RAD51B: variants seen among roughly 807,000 people sequenced by gnomAD.
RAD51B encodes DNA repair protein RAD51 homolog 2.
Under a neutral mutation model 42.2 loss-of-function variants are expected in RAD51B, and 38 were observed. The observed-to-expected ratio is 0.90, with a 90% CI of 0.70 to 1.18. RAD51B has a LOEUF of 1.18. Among genes scored for constraint, RAD51B ranks in the 50% most tolerant of loss-of-function variants. The pLI is 0.00. For missense variants in RAD51B, 373 were observed against 400.7 expected, an observed-to-expected ratio of 0.93 and a Z score of 0.59; for synonymous variants, 154 against 145.2, an observed-to-expected ratio of 1.06 and a Z score of -0.43.
At chr14:68,226,727 A>G (rs918036318) in intron 7 of RAD51B, among the ~76,000 whole-genome samples, 4 of 152,074 alleles carry the variant, frequency 2.6e-5, no homozygotes, top group African/African-American at 9.7e-5. Flanking sequence ...ACATCCTCCA[A>G]CCCATTTTAC....
intron 8 of RAD51B, among the ~76,000 whole-genome samples, chr14:68,365,360 A>G (rs1440986745): frequency 2.0e-5 from 3 of 152,248 alleles, no homozygotes; most frequent in Non-Finnish European, 4.4e-5. Flanking sequence ...TGTTTGTCTT[A>G]CTGCTCTGTC....
chr14:68,033,702 G>A (rs2076080425), intron 7 of RAD51B, among the ~76,000 whole-genome samples: 1 of 152,182 alleles, frequency 6.6e-6, no homozygotes, highest in Non-Finnish European at 1.5e-5. Context: ...CCACTTCACA[G>A]CCCTTCCCGC....
chr14:67,854,207 A>G (rs2041911898), intron 4 of RAD51B, among the ~76,000 whole-genome samples: 1 of 152,224 alleles, frequency 6.6e-6, no homozygotes, highest in South Asian at 2.1e-4. Context: ...CTGTATAAAT[A>G]TCTGTGCTTT....
chr14:68,442,918 G>T (rs980247206), intron 9 of RAD51B, among the ~76,000 whole-genome samples: 3 of 152,160 alleles, frequency 2.0e-5, no homozygotes, highest in African/African-American at 7.2e-5. Flanking sequence ...AACTGGGGCT[G>T]TGAACACCTA....
At chr14:68,561,438 C>T (rs1889142040) in intron 10 of RAD51B, among the ~76,000 whole-genome samples, 1 of 152,190 alleles carries the variant, frequency 6.6e-6, no homozygotes, top group Non-Finnish European at 1.5e-5. Context: ...AATTCTACAG[C>T]AGGCATGCTC....
intron 7 of RAD51B, among the ~76,000 whole-genome samples, chr14:68,254,749 C>T (rs143186363): frequency 6.6e-6 from 1 of 152,268 alleles, no homozygotes; most frequent in East Asian, 1.9e-4. Flanking sequence ...CACTTAGAAA[C>T]ATTTTTCTGA....
chr14:68,507,484 G>A (rs549951115), intron 10 of RAD51B, among the ~76,000 whole-genome samples: 1 of 152,244 alleles, frequency 6.6e-6, no homozygotes, highest in African/African-American at 2.4e-5. Flanking sequence ...AGGGTCCTAG[G>A]ACTGGCATTC....
chr14:68,428,068 ATGATGC>A (rs750999927), intron 9 of RAD51B, among the ~76,000 whole-genome samples: 1 of 152,112 alleles, frequency 6.6e-6, no homozygotes, highest in Non-Finnish European at 1.5e-5. Flanking sequence ...CCACCATGGG[ATGATGC>A]AGCAAAAAGG....
At chr14:68,395,958 T>C (rs1051565791) in intron 8 of RAD51B, among the ~76,000 whole-genome samples, 1 of 152,250 alleles carries the variant, frequency 6.6e-6, no homozygotes, top group Admixed American at 6.5e-5. Context: ...TGAAAACTTA[T>C]GGGTTATCCT....
At chr14:67,884,930 GCTT>G (rs2043018427) in intron 5 of RAD51B, among the ~76,000 whole-genome samples, 1 of 152,042 alleles carries the variant, frequency 6.6e-6, no homozygotes, top group Non-Finnish European at 1.5e-5. Flanking sequence ...AAAGTTCCCA[GCTT>G]CTTCTCAGAA....
intron 7 of RAD51B, among the ~76,000 whole-genome samples, chr14:67,919,439 G>GA (rs1340085144): frequency 1.3e-5 from 2 of 152,068 alleles, no homozygotes; most frequent in Non-Finnish European, 2.9e-5. Flanking sequence ...TTCTTTACTG[G>GA]AAAAAAACCC....
At chr14:68,491,032 A>T (rs1406183070) in intron 10 of RAD51B, among the ~76,000 whole-genome samples, 1 of 152,220 alleles carries the variant, frequency 6.6e-6, no homozygotes, top group African/African-American at 2.4e-5. Flanking sequence ...ATGGATAAAA[A>T]GGGAGCTAGG....
At chr14:68,555,719 A>G (rs1054438990) in intron 10 of RAD51B, among the ~76,000 whole-genome samples, 1 of 152,182 alleles carries the variant, frequency 6.6e-6, no homozygotes, top group African/African-American at 2.4e-5. Flanking sequence ...AACATATTAG[A>G]TGTCCCCAGT....
chr14:68,063,522 G>A (rs1213835642), intron 7 of RAD51B, among the ~76,000 whole-genome samples: 1 of 152,174 alleles, frequency 6.6e-6, no homozygotes, highest in African/African-American at 2.4e-5. Flanking sequence ...GAAATCATGA[G>A]GTCAAGAGAT....
At chr14:68,667,463 C>G (rs1893055805) in intron 11 of RAD51B, among the ~76,000 whole-genome samples, 2 of 128,190 alleles carry the variant, frequency 1.6e-5, no homozygotes, top group Non-Finnish European at 3.5e-5. Flanking sequence ...AATATAAAAA[C>G]TACCTTCACA....
At chr14:68,260,298 C>CGT (rs71281749) in intron 7 of RAD51B, among the ~76,000 whole-genome samples, 1,323 of 96,652 alleles carry the variant, frequency 0.014, 96 homozygotes, top group Middle Eastern at 0.036. Context: ...GCTGAGAGAC[C>CGT]GTGTGTGTGT....
chr14:68,316,895 T>C (rs2082073465), intron 8 of RAD51B, among the ~76,000 whole-genome samples: 1 of 152,248 alleles, frequency 6.6e-6, no homozygotes, highest in African/African-American at 2.4e-5. Context: ...TGATTTTTAG[T>C]ATAATAAATT....
chr14:68,430,033 G>C (rs570746514), intron 9 of RAD51B, among the ~76,000 whole-genome samples: 3 of 152,226 alleles, frequency 2.0e-5, no homozygotes, highest in Non-Finnish European at 4.4e-5. Flanking sequence ...GATTTTGTCA[G>C]GTTTGTCAAA....
intron 10 of RAD51B, among the ~76,000 whole-genome samples, chr14:68,487,413 A>G (rs778169770): frequency 3.3e-5 from 5 of 152,108 alleles, no homozygotes; most frequent in Non-Finnish European, 7.4e-5. Context: ...TGAGGTCACC[A>G]TGAGGCTAGG....
Sources: gnomAD v4.1 joint callset for allele counts (sites outside exome capture counted in the v4.1 genomes callset) on GRCh38, gnomAD v4.1.1 for gene constraint, MANE v1.5 for transcripts, NCBI Gene and HGNC (gene_info 2026-07-23, HGNC 2026-07-21) for gene names.